PLGRKT: variants seen among roughly 807,000 people sequenced by gnomAD.
PLGRKT encodes plasminogen receptor (KT).
PLGRKT carries 22 observed loss-of-function variants against 18.5 expected under a neutral mutation model. The observed-to-expected ratio is 1.19, with a 90% CI of 0.85 to 1.70. The LOEUF is 1.70. Among genes scored for constraint, PLGRKT ranks in the 40% most tolerant of loss-of-function variants. The pLI, the probability that PLGRKT is intolerant of heterozygous loss-of-function variation, is 0.00. For synonymous variants in PLGRKT, 72 were observed against 52.8 expected (o/e 1.36, Z -1.58); for missense variants, 235 against 174.4 (o/e 1.35, Z -1.96).
chr9:5,373,300 G>T (rs1037699255), intron 3 of PLGRKT, among the ~76,000 whole-genome samples: 1 of 152,158 alleles, frequency 6.6e-6, no homozygotes, highest in African/African-American at 2.4e-5. Flanking sequence ...GCCTTCCATG[G>T]ACCTTGTGAC....
intron 3 of PLGRKT, among the ~76,000 whole-genome samples, chr9:5,431,629 G>C (rs541706660): frequency 6.6e-5 from 10 of 151,994 alleles, no homozygotes; most frequent in African/African-American, 1.9e-4. Context: ...ATTATCTTTG[G>C]GGGTGGGGGG....
At chr9:5,387,989 G>T (rs1586718122) in intron 3 of PLGRKT, among the ~76,000 whole-genome samples, 1 of 151,870 alleles carries the variant, frequency 6.6e-6, no homozygotes, top group African/African-American at 2.4e-5. Flanking sequence ...CTGGATATAG[G>T]TGACATGATG....
intron 3 of PLGRKT, among the ~76,000 whole-genome samples, chr9:5,405,631 G>A (rs1159046803): frequency 6.6e-6 from 1 of 152,158 alleles, no homozygotes; most frequent in African/African-American, 2.4e-5. Context: ...AGACTTAAAT[G>A]TAAAACCCAG....
chr9:5,413,568 G>T (rs1443759540), intron 3 of PLGRKT, among the ~76,000 whole-genome samples: 1 of 152,056 alleles, frequency 6.6e-6, no homozygotes, highest in Non-Finnish European at 1.5e-5. Context: ...GTGGAGGAAG[G>T]GCCCATGAGC....
At chr9:5,367,981 T>C (rs1452950495) in intron 3 of PLGRKT, among the ~76,000 whole-genome samples, 1 of 152,080 alleles carries the variant, frequency 6.6e-6, no homozygotes, top group Non-Finnish European at 1.5e-5. Context: ...AACAAGCATA[T>C]GAAAAAATGT....
chr9:5,415,816 C>T (rs1272023369), intron 3 of PLGRKT, among the ~76,000 whole-genome samples: 1 of 151,872 alleles, frequency 6.6e-6, no homozygotes, highest in African/African-American at 2.4e-5. Context: ...AAGTACTTAT[C>T]ATAAAAGGCA....
At chr9:5,394,687 A>G (rs969520744) in intron 3 of PLGRKT, among the ~76,000 whole-genome samples, 1 of 151,992 alleles carries the variant, frequency 6.6e-6, no homozygotes, top group Admixed American at 6.5e-5. Context: ...TGCTGGGATT[A>G]CAGGCGTAAG....
intron 3 of PLGRKT, among the ~76,000 whole-genome samples, chr9:5,398,028 T>C (rs1311942818): frequency 6.6e-6 from 1 of 151,948 alleles, no homozygotes; most frequent in Non-Finnish European, 1.5e-5. Context: ...AATGGATGCA[T>C]AGAGCAAAGC....
rs1379139240 is a variant in PLGRKT, at chr9:5,411,575, T to C, written c.81+20322A>G. On this transcript the variant is annotated intron_variant, in intron 3 of 5. Transcript: ENST00000223864. Reference sequence around the variant, plus strand: ...AGAGTCAGGTTCGGACACAGGTATATGTGACTCCAAAGCCTGTGAACCTGC... The same window carrying C: ...AGAGTCAGGTTCGGACACAGGTATACGTGACTCCAAAGCCTGTGAACCTGC... Among the ~76,000 whole-genome samples, 3 of 152,240 alleles carry C rather than the reference T, an allele frequency of 2.0e-5. No individual in the cohort carries two copies. In the East Asian group the frequency reaches 5.8e-4, roughly 29 times the overall value.
chr9:5,427,206 G>C (rs930297509), intron 3 of PLGRKT, among the ~76,000 whole-genome samples: 2 of 152,140 alleles, frequency 1.3e-5, no homozygotes, highest in African/African-American at 4.8e-5. Context: ...GTGTAGCCAA[G>C]CTGTCCACAC....
intron 3 of PLGRKT, among the ~76,000 whole-genome samples, chr9:5,382,805 G>A (rs951002513): frequency 3.3e-5 from 5 of 152,202 alleles, no homozygotes; most frequent in Non-Finnish European, 5.9e-5. Flanking sequence ...TTGCCTTGAA[G>A]TAGGATGGCA....
intron 3 of PLGRKT, among the ~76,000 whole-genome samples, chr9:5,381,241 C>T (rs987528916): frequency 1.2e-4 from 19 of 152,192 alleles, no homozygotes; most frequent in African/African-American, 3.4e-4. Flanking sequence ...CAGAGCTGTT[C>T]GTGGCAGCCC....
At chr9:5,432,238 C>A (rs1318275834) in intron 2 of PLGRKT, among the ~76,000 whole-genome samples, 1 of 152,152 alleles carries the variant, frequency 6.6e-6, no homozygotes, top group Non-Finnish European at 1.5e-5. Flanking sequence ...TCCTTCCCTG[C>A]TCTATAAGTA....
intron 3 of PLGRKT, among the ~76,000 whole-genome samples, chr9:5,396,081 AC>A (rs1455512557): frequency 6.6e-6 from 1 of 151,112 alleles, no homozygotes; most frequent in Non-Finnish European, 1.5e-5. Flanking sequence ...TTTAGTAGAG[AC>A]GGGGTTTCAC....
intron 3 of PLGRKT, among the ~76,000 whole-genome samples, chr9:5,411,780 T>G (rs1163324866): frequency 6.6e-6 from 1 of 152,250 alleles, no homozygotes; most frequent in Non-Finnish European, 1.5e-5. Flanking sequence ...TTCTTTAGTT[T>G]AGCCTACAGT....
intron 3 of PLGRKT, among the ~76,000 whole-genome samples, chr9:5,366,029 T>C (rs931190479): frequency 6.6e-6 from 1 of 152,182 alleles, no homozygotes; most frequent in Non-Finnish European, 1.5e-5. Flanking sequence ...TAATGAAAGA[T>C]ATTTTGATCT....
chr9:5,415,343 C>T (rs1400359065), intron 3 of PLGRKT, among the ~76,000 whole-genome samples: 1 of 152,004 alleles, frequency 6.6e-6, no homozygotes, highest in Non-Finnish European at 1.5e-5. Context: ...TAAATAAACA[C>T]ACAAAGAAGG....
chr9:5,371,986 C>CTTCTTTTTTTTTTTTTTTT (rs1817527328), intron 3 of PLGRKT, among the ~76,000 whole-genome samples: 1 of 89,152 alleles, frequency 1.1e-5, no homozygotes, highest in African/African-American at 5.1e-5. Context: ...TCAGAAAATC[C>CTTCTTTTTTTTTTTTTTTT]TTTTTTTTTT....
At chr9:5,399,981 C>T (rs540609005) in intron 3 of PLGRKT, among the ~76,000 whole-genome samples, 70 of 151,624 alleles carry the variant, frequency 4.6e-4, no homozygotes, top group Admixed American at 3.9e-4. Flanking sequence ...CAGAGTGAGA[C>T]TCTGTCTCAA....
Sources: allele counts gnomAD v4.1 joint callset (sites outside exome capture counted in the v4.1 genomes callset), GRCh38; gene constraint gnomAD v4.1.1; transcripts MANE v1.5; gene names NCBI Gene and HGNC (gene_info 2026-07-23, HGNC 2026-07-21).